The following CNBD1 variants were observed in gnomAD, a reference collection of about 807,000 sequenced individuals.
The protein encoded by CNBD1 is cyclic nucleotide binding domain containing 1.
Under a neutral mutation model 54.4 loss-of-function variants are expected in CNBD1, and 71 were observed. The ratio of observed to expected loss-of-function variants is 1.30; its 90% CI spans 1.08 to 1.59. The LOEUF (loss-of-function observed/expected upper bound fraction) is 1.59. Among genes scored for constraint, CNBD1 ranks in the 40% most tolerant of loss-of-function variants. The pLI, the probability that CNBD1 is intolerant of heterozygous loss-of-function variation, is 0.00. For synonymous variants in CNBD1, 182 were observed against 170.7 expected, an observed-to-expected ratio of 1.07 and a Z score of -0.51; for missense variants, 659 against 518.0, an observed-to-expected ratio of 1.27 and a Z score of -2.64.
chr8:87,016,751 C>A (rs534716691), intron 4 of CNBD1, among the ~76,000 whole-genome samples: 1 of 152,266 alleles, frequency 6.6e-6, no homozygotes, highest in African/African-American at 2.4e-5. Context: ...ATCACTGATG[C>A]ACAGGAAGCT....
chr8:87,138,455 G>A (rs1483653299), intron 4 of CNBD1, among the ~76,000 whole-genome samples: 1 of 152,156 alleles, frequency 6.6e-6, no homozygotes, highest in African/African-American at 2.4e-5. Flanking sequence ...ATTCATTTAT[G>A]GGTAACTTCT....
In CNBD1 at chr8:86,939,633, C is replaced by A. The variant is rs746738540; in HGVS notation, c.310C>A (p.Gln104Lys). ...AGGCAAAGAGGAAAGTCAACATCAA[C>A]AACCTGATGATTCTAACAATATAGC... ...NEGKEESQHQ[Q>K]PDDSNNIAVH... The change falls in exon 4 of 11, where the codon CAA (glutamine) becomes AAA (lysine). Residue 104 changes from glutamine (Q) to lysine (K), a missense_variant. Coordinates refer to ENST00000518476, the MANE Select transcript of CNBD1 (RefSeq NM_173538.3). 1.3e-6 allele frequency: 2 copies of A among 1,599,062 alleles called. No homozygotes were observed. The highest frequency in any genetic ancestry group is 1.7e-6 in the Non-Finnish European group (2 of 1,174,316).
At chr8:87,017,780 G>A (rs904099886) in intron 4 of CNBD1, among the ~76,000 whole-genome samples, 2 of 151,844 alleles carry the variant, frequency 1.3e-5, no homozygotes, top group Non-Finnish European at 2.9e-5. Flanking sequence ...TGTTTTTATA[G>A]GCAAATTTCC....
At chr8:87,104,757 A>G (rs1811498722) in intron 4 of CNBD1, among the ~76,000 whole-genome samples, 1 of 152,200 alleles carries the variant, frequency 6.6e-6, no homozygotes, top group South Asian at 2.1e-4. Flanking sequence ...ATGACTTTTC[A>G]TTTATCTTTT....
chr8:86,956,938 C>A (rs1233591862), intron 4 of CNBD1, among the ~76,000 whole-genome samples: 5 of 152,128 alleles, frequency 3.3e-5, no homozygotes, highest in Non-Finnish European at 7.4e-5. Context: ...CCAGTTTTTG[C>A]CCATTCAGTA....
At chr8:86,954,258 C>A (rs1195292598) in intron 4 of CNBD1, among the ~76,000 whole-genome samples, 1 of 152,172 alleles carries the variant, frequency 6.6e-6, no homozygotes, top group Admixed American at 6.5e-5. Flanking sequence ...AAAAATAAAA[C>A]CTTACAGACA....
intron 2 of CNBD1, among the ~76,000 whole-genome samples, chr8:86,894,421 C>G (rs1808820866): frequency 6.6e-6 from 1 of 152,158 alleles, no homozygotes; most frequent in Admixed American, 6.5e-5. Context: ...AGTATAATTT[C>G]CATACATACC....
At chr8:86,872,197 A>T (rs1808452172) in intron 1 of CNBD1, among the ~76,000 whole-genome samples, 1 of 152,092 alleles carries the variant, frequency 6.6e-6, no homozygotes, top group Non-Finnish European at 1.5e-5. Flanking sequence ...ACACCATCAT[A>T]ATCTTCACCA....
chr8:87,355,935 C>T (rs767163422), intron 10 of CNBD1, among the ~76,000 whole-genome samples: 1 of 151,998 alleles, frequency 6.6e-6, no homozygotes, highest in Non-Finnish European at 1.5e-5. Context: ...TGAGTGAGTT[C>T]TCACTCTATT....
At chr8:87,261,075 C>A (rs1808131095) in intron 6 of CNBD1, among the ~76,000 whole-genome samples, 1 of 152,064 alleles carries the variant, frequency 6.6e-6, no homozygotes, top group Non-Finnish European at 1.5e-5. Context: ...CCTTTCTGAC[C>A]CAGTCAGAGG....
At chr8:87,272,902 C>A (rs186947953) in intron 6 of CNBD1, among the ~76,000 whole-genome samples, 61 of 151,916 alleles carry the variant, frequency 4.0e-4, no homozygotes, top group Non-Finnish European at 4.4e-5. Flanking sequence ...CATTATAACA[C>A]AGAAATATTT....
chr8:86,903,240 T>C (rs1808966108), intron 2 of CNBD1, among the ~76,000 whole-genome samples: 1 of 152,110 alleles, frequency 6.6e-6, no homozygotes. Flanking sequence ...AGGAGGCAGC[T>C]AACTAAGGTT....
intron 4 of CNBD1, among the ~76,000 whole-genome samples, chr8:87,204,589 C>A (rs1392460626): frequency 6.6e-6 from 1 of 152,096 alleles, no homozygotes; most frequent in Non-Finnish European, 1.5e-5. Context: ...TACAAACAAG[C>A]AGAACTAAGC....
chr8:87,383,158 T>C (rs531415672), downstream of CNBD1, among the ~76,000 whole-genome samples: 12 of 152,174 alleles, frequency 7.9e-5, no homozygotes, highest in Non-Finnish European at 1.6e-4. Flanking sequence ...TTAAAAATAT[T>C]CCATTTTGTA....
chr8:87,313,886 G>A (rs917608331), intron 8 of CNBD1, among the ~76,000 whole-genome samples: 9 of 151,766 alleles, frequency 5.9e-5, no homozygotes, highest in Middle Eastern at 3.4e-3. Flanking sequence ...GTATACCAAG[G>A]CAAAAAATTG....
chr8:86,943,365 C>CAAAAAAAAAA (rs1158061860), intron 4 of CNBD1, among the ~76,000 whole-genome samples: 41 of 32,560 alleles, frequency 1.3e-3, no homozygotes, highest in Non-Finnish European at 2.1e-3. Context: ...GACTCCATCT[C>CAAAAAAAAAA]AAAAAAAAAA....
At position 87,034,245 on chromosome 8, in the gene CNBD1, A is replaced by T. The variant is rs551927197; in HGVS notation, c.431+94491A>T. Among the ~76,000 whole-genome samples, 11 of 152,320 alleles carry T rather than the reference A, an allele frequency of 7.2e-5. No homozygotes were observed. In the South Asian group the frequency reaches 2.3e-3, roughly 32 times the overall value. ...ATTTGACTTTTCTCTGCTTCTTGGG[A>T]GTGCTCCCAAGGTATCATAATATCA... is the stretch of plus-strand genomic sequence containing the variant. On this transcript the variant is annotated intron_variant, in intron 4 of 10. Transcript: ENST00000518476.
chr8:87,353,794 C>A lies in CNBD1; in HGVS notation c.1303+8C>A. 6.3e-7 allele frequency: 1 copy of A among 1,585,312 alleles called. No homozygotes were observed. Among genetic ancestry groups the A allele is most frequent in the East Asian group, 2.2e-5 (1 of 44,510 alleles). ...AAGATAAGGACCTATTTGGTAAATG[C>A]ATAAATATCTTTTAACTGTTATACC... On this transcript the variant is annotated splice_region_variant and intron_variant, in intron 10 of 10. Transcript: ENST00000518476.
At chr8:86,968,564 T>C (rs1461026738) in intron 4 of CNBD1, among the ~76,000 whole-genome samples, 1 of 152,230 alleles carries the variant, frequency 6.6e-6, no homozygotes, top group African/African-American at 2.4e-5. Flanking sequence ...GAGGCAGGTC[T>C]ATGCCTTTCT....
Sources: gnomAD v4.1 joint callset for allele counts (sites outside exome capture counted in the v4.1 genomes callset) on GRCh38, gnomAD v4.1.1 for gene constraint, MANE v1.5 for transcripts, NCBI Gene and HGNC (gene_info 2026-07-23, HGNC 2026-07-21) for gene names.